The following ANK2 variants were observed in gnomAD, a reference collection of about 807,000 sequenced individuals.
ANK2 encodes the protein ankyrin 2, also known as ankyrin-2.
ANK2 carries 83 observed loss-of-function variants against 360.5 expected under a neutral mutation model. The observed-to-expected ratio is 0.23, with a 90% CI of 0.19 to 0.28. The LOEUF is 0.28. ANK2 is among the 10% of genes least tolerant of loss of function. The pLI is 1.00. For missense variants in ANK2, 4,201 were observed against 4,795.7 expected (o/e 0.88, Z 3.66); for synonymous variants, 1,740 against 1,759.5 (o/e 0.99, Z 0.28).
chr4:113,306,181 G>A (rs1339093905), intron 23 of ANK2, among the ~76,000 whole-genome samples: 1 of 152,194 alleles, frequency 6.6e-6, no homozygotes, highest in Non-Finnish European at 1.5e-5. Context: ...ATTAAAAGAA[G>A]TATAATGTAA....
chr4:112,847,130 A>C (rs2063498094), intron 1 of ANK2, among the ~76,000 whole-genome samples: 1 of 152,196 alleles, frequency 6.6e-6, no homozygotes, highest in Non-Finnish European at 1.5e-5. Context: ...GGATAGAAGG[A>C]CAAAATTATG....
intron 30 of ANK2, 117 bp from the exon 31 acceptor site, chr4:113,336,460 C>T (rs560183101): frequency 5.5e-4 from 584 of 1,058,164 alleles, no homozygotes; most frequent in Non-Finnish European, 7.5e-4. Context: ...GCCCACCAAA[C>T]TTATTTGTAA....
chr4:112,804,094 C>T, the ANK2 span, among the ~76,000 whole-genome samples: 3 of 151,604 alleles, frequency 2.0e-5, no homozygotes, highest in Admixed American at 6.6e-5. Flanking sequence ...TCTCGGCTCA[C>T]TGCAACCTCC....
intron 36 of ANK2, among the ~76,000 whole-genome samples, chr4:113,349,176 T>C (rs1028506593): frequency 1.3e-5 from 2 of 152,248 alleles, no homozygotes; most frequent in East Asian, 1.9e-4. Flanking sequence ...TAAATAGCTG[T>C]ATGAATTAAA....
chr4:113,331,070 T>A (rs2092330744), intron 27 of ANK2, among the ~76,000 whole-genome samples: 1 of 152,214 alleles, frequency 6.6e-6, no homozygotes, highest in Non-Finnish European at 1.5e-5. Flanking sequence ...AATTTAGCAT[T>A]TCTTCTTTCT....
chr4:112,739,056 A>G, the ANK2 span: 23 of 569,882 alleles, frequency 4.0e-5, no homozygotes, highest in Admixed American at 3.4e-4. Context: ...CCAGCTGGCC[A>G]TCAGAGTCAC....
chr4:112,850,201 G>A (rs1470060183), intron 1 of ANK2, among the ~76,000 whole-genome samples: 1 of 151,642 alleles, frequency 6.6e-6, no homozygotes, highest in Non-Finnish European at 1.5e-5. Flanking sequence ...ATAATGGTGG[G>A]ACTTCTCGAA....
chr4:112,785,094 A>G, the ANK2 span, among the ~76,000 whole-genome samples: 1 of 152,248 alleles, frequency 6.6e-6, no homozygotes, highest in Non-Finnish European at 1.5e-5. Flanking sequence ...TTGGTGAAAC[A>G]GCTGCTTGCT....
intron 2 of ANK2, among the ~76,000 whole-genome samples, chr4:112,968,209 A>G (rs1205142920): frequency 6.6e-6 from 1 of 152,222 alleles, no homozygotes; most frequent in East Asian, 1.9e-4. Context: ...TACTTACTGC[A>G]CAGGGTTCAA....
the ANK2 span, among the ~76,000 whole-genome samples, chr4:112,719,038 A>G: frequency 6.6e-6 from 1 of 152,226 alleles, no homozygotes; most frequent in Non-Finnish European, 1.5e-5. Flanking sequence ...TCATATATTC[A>G]ACATCTGAAA....
chr4:112,800,851 C>T, the ANK2 span, among the ~76,000 whole-genome samples: 2 of 152,244 alleles, frequency 1.3e-5, no homozygotes, highest in South Asian at 2.1e-4. Context: ...AGACGGGTTT[C>T]ACCATGTTGG....
chr4:112,760,915 T>G, the ANK2 span, among the ~76,000 whole-genome samples: 1 of 151,182 alleles, frequency 6.6e-6, no homozygotes, highest in African/African-American at 2.4e-5. Context: ...CAAGCAATTC[T>G]CCTGCTTCAG....
intron 4 of ANK2, among the ~76,000 whole-genome samples, chr4:113,229,626 G>T (rs1380862735): frequency 6.6e-6 from 1 of 152,172 alleles, no homozygotes; most frequent in East Asian, 1.9e-4. Context: ...AAGTGTGAGT[G>T]AGCACTGGAG....
At chr4:112,968,897 C>G (rs1371461960) in intron 2 of ANK2, among the ~76,000 whole-genome samples, 1 of 152,074 alleles carries the variant, frequency 6.6e-6, no homozygotes, top group Non-Finnish European at 1.5e-5. Flanking sequence ...CCTAGAGAAA[C>G]AAGGTCTTTT....
intron 41 of ANK2, among the ~76,000 whole-genome samples, chr4:113,365,836 C>T (rs796503844): frequency 3.9e-4 from 59 of 152,242 alleles, no homozygotes; most frequent in African/African-American, 1.3e-3. Flanking sequence ...TTTTCCACCA[C>T]GAATCTACCA....
chr4:113,051,800 G>A (rs954994170), intron 1 of ANK2, among the ~76,000 whole-genome samples: 9 of 152,066 alleles, frequency 5.9e-5, no homozygotes, highest in Non-Finnish European at 1.3e-4. Flanking sequence ...TCTGTAAAAT[G>A]AGAATAATTA....
chr4:113,018,766 G>C (rs1009309857), intron 2 of ANK2, among the ~76,000 whole-genome samples: 4 of 152,326 alleles, frequency 2.6e-5, no homozygotes, highest in Middle Eastern at 6.8e-3. Flanking sequence ...TTCTTGAAGG[G>C]CTAATTTGCA....
intron 1 of ANK2, among the ~76,000 whole-genome samples, chr4:112,819,938 C>T (rs1381197099): frequency 1.3e-5 from 2 of 152,138 alleles, no homozygotes; most frequent in African/African-American, 2.4e-5. Context: ...CTTTTTTGGC[C>T]ACATGCCTAA....
intron 1 of ANK2, among the ~76,000 whole-genome samples, chr4:112,903,879 T>C (rs1483994315): frequency 6.6e-6 from 1 of 152,342 alleles, no homozygotes; most frequent in East Asian, 1.9e-4. Context: ...GGAGACTTAG[T>C]AATTCCTATT....
Sources: allele counts gnomAD v4.1 joint callset (sites outside exome capture counted in the v4.1 genomes callset), GRCh38; gene constraint gnomAD v4.1.1; transcripts MANE v1.5; gene names NCBI Gene and HGNC (gene_info 2026-07-23, HGNC 2026-07-21).